The following KLF8 variants were observed in gnomAD, a reference collection of about 807,000 sequenced individuals.
KLF8 encodes the protein Krueppel-like factor 8.
KLF8 carries 10 observed loss-of-function variants against 18.2 expected under a neutral mutation model. The observed-to-expected ratio is 0.55, with a 90% CI of 0.34 to 0.93. The LOEUF (loss-of-function observed/expected upper bound fraction) is 0.93, where lower values mean the gene tolerates loss of function less well. Among genes scored for constraint, KLF8 ranks in the 40% least tolerant of loss-of-function variants. The probability of loss-of-function intolerance (pLI) is 0.02; values close to 1 mark genes in which losing one functional copy is unlikely to be tolerated. For missense variants in KLF8, 264 were observed against 277.9 expected (o/e 0.95, Z 0.36); for synonymous variants, 109 against 97.3 (o/e 1.12, Z -0.71).
At chrX:56,231,001 G>A (rs1238463378), upstream of KLF8, among the ~76,000 whole-genome samples, 2 of 111,590 alleles carry the variant, frequency 1.8e-5, no homozygotes, top group Non-Finnish European at 3.8e-5. Flanking sequence ...AAAAAAAGGT[G>A]GACAGAGAGC....
At chrX:55,978,028 C>T in the KLF8 span, among the ~76,000 whole-genome samples, 1 of 110,232 alleles carries the variant, frequency 9.1e-6, no homozygotes, top group South Asian at 3.9e-4. Context: ...GGGCATTCTG[C>T]TTTGCTTTCT....
At chrX:55,949,112 G>A in the KLF8 span, among the ~76,000 whole-genome samples, 1 of 111,919 alleles carries the variant, frequency 8.9e-6, no homozygotes, top group African/African-American at 3.2e-5. Context: ...TACAGGGCAA[G>A]GCAAATACAT....
the KLF8 span, among the ~76,000 whole-genome samples, chrX:56,207,239 A>G: frequency 8.9e-6 from 1 of 112,653 alleles, no homozygotes; most frequent in South Asian, 3.7e-4. Flanking sequence ...TTGGCAATTA[A>G]CATTTGGTTT....
the KLF8 span, chrX:55,908,413 T>C: frequency 3.4e-5 from 10 of 293,886 alleles, no homozygotes; most frequent in Non-Finnish European, 5.9e-5. Context: ...GGTGTAGTAG[T>C]AGATGGGGTG....
the KLF8 span, among the ~76,000 whole-genome samples, chrX:56,096,161 G>C: frequency 1.8e-5 from 2 of 111,478 alleles, no homozygotes; most frequent in Admixed American, 9.6e-5. Flanking sequence ...GATGGAACTG[G>C]AGGCCATTAT....
the KLF8 span, among the ~76,000 whole-genome samples, chrX:55,936,208 TTGA>T: frequency 8.9e-6 from 1 of 112,314 alleles, no homozygotes; most frequent in African/African-American, 3.2e-5. Flanking sequence ...TGATCTGTGA[TTGA>T]TGACCATCTC....
At chrX:56,062,094 G>T in the KLF8 span, among the ~76,000 whole-genome samples, 5 of 105,578 alleles carry the variant, frequency 4.7e-5, no homozygotes, top group African/African-American at 1.8e-4. Flanking sequence ...ACAGCACAGT[G>T]ATGGGTCTTG....
intron 5 of KLF8, among the ~76,000 whole-genome samples, chrX:56,281,115 A>C (rs755171307): frequency 8.9e-6 from 1 of 112,113 alleles, no homozygotes; most frequent in Non-Finnish European, 1.9e-5. Flanking sequence ...CTGCTCTCAC[A>C]CACACCCCCT....
chrX:56,132,770 G>A, the KLF8 span, among the ~76,000 whole-genome samples: 1 of 111,224 alleles, frequency 9.0e-6, no homozygotes, highest in Non-Finnish European at 1.9e-5. Context: ...ACTGTTAGGA[G>A]GGTTAACTGA....
At chrX:56,188,545 A>G in the KLF8 span, among the ~76,000 whole-genome samples, 102 of 112,003 alleles carry the variant, frequency 9.1e-4, no homozygotes, top group Non-Finnish European at 1.4e-3. Flanking sequence ...GGAACCAAAA[A>G]AGAGACGCAT....
chrX:56,254,190 T>C (rs950549889), intron 2 of KLF8, among the ~76,000 whole-genome samples: 1 of 112,084 alleles, frequency 8.9e-6, no homozygotes, highest in Admixed American at 9.4e-5. Flanking sequence ...AAGCAGGATA[T>C]TTCCTTGACC....
intron 1 of KLF8, among the ~76,000 whole-genome samples, chrX:56,247,488 C>A (rs2066637911): frequency 8.9e-6 from 1 of 112,084 alleles, no homozygotes; most frequent in Non-Finnish European, 1.9e-5. Context: ...TATAAATTAA[C>A]CTTAGCTTAC....
At chrX:56,050,393 T>C in the KLF8 span, among the ~76,000 whole-genome samples, 2 of 112,439 alleles carry the variant, frequency 1.8e-5, no homozygotes, top group Non-Finnish European at 3.8e-5. Context: ...CTGCTTTCTC[T>C]TGTGGGCATT....
chrX:55,909,404 C>T, the KLF8 span, among the ~76,000 whole-genome samples: 1 of 112,478 alleles, frequency 8.9e-6, no homozygotes, highest in Non-Finnish European at 1.9e-5. Context: ...TTTCCATTTC[C>T]TGAAAGGCGC....
chrX:56,256,711 T>C (rs1412333716), intron 2 of KLF8, among the ~76,000 whole-genome samples: 1 of 112,145 alleles, frequency 8.9e-6, no homozygotes, highest in Non-Finnish European at 1.9e-5. Flanking sequence ...GTTGGTTTTT[T>C]TGTTTGTTTG....
chrX:56,194,485 G>A, the KLF8 span, among the ~76,000 whole-genome samples: 3 of 112,171 alleles, frequency 2.7e-5, no homozygotes, highest in Non-Finnish European at 5.6e-5. Flanking sequence ...ATCAAACTGC[G>A]AGGTGGCAGC....
chrX:56,054,576 G>C, the KLF8 span, among the ~76,000 whole-genome samples: 1 of 111,737 alleles, frequency 8.9e-6, no homozygotes, highest in Non-Finnish European at 1.9e-5. Flanking sequence ...TTTTTGAGTG[G>C]AGAGTTTTGT....
the KLF8 span, among the ~76,000 whole-genome samples, chrX:56,106,816 C>A: frequency 3.6e-5 from 4 of 112,412 alleles, no homozygotes; most frequent in Admixed American, 3.8e-4. Context: ...GAATTTTCAG[C>A]TTTTCTGCTC....
rs749332195 is a variant in KLF8, at chrX:56,281,503, G to A, written c.899-2810G>A. 7.2e-5 allele frequency among the ~76,000 whole-genome samples: 8 copies of A among 111,590 alleles called. No individual in the cohort carries two copies. In the East Asian group the frequency reaches 1.4e-3, roughly 20 times the overall value. ...CAGCTCACTGCAACCTCTGCCTCCC[G>A]GGTTCAAGCAATTCTCATGCCTCAG... is the stretch of plus-strand genomic sequence containing the variant. On this transcript the variant is annotated intron_variant, in intron 5 of 5. Coordinates refer to ENST00000468660, the MANE Select transcript of KLF8 (RefSeq NM_007250.5).
Sources: gnomAD v4.1 joint callset for allele counts (sites outside exome capture counted in the v4.1 genomes callset) on GRCh38, gnomAD v4.1.1 for gene constraint, MANE v1.5 for transcripts, NCBI Gene and HGNC (gene_info 2026-07-23, HGNC 2026-07-21) for gene names.